Variants in MAGI1 observed in about 807,000 individuals in gnomAD.
The protein encoded by MAGI1 is membrane associated guanylate kinase, WW and PDZ domain containing 1, also known as membrane-associated guanylate kinase, WW and PDZ domain-containing protein 1.
A neutral mutation model predicts 139.9 loss-of-function variants in MAGI1; 58 were observed. That is an observed-to-expected ratio of 0.41 (90% CI 0.34 to 0.52). The LOEUF is 0.52. Ranked by LOEUF, MAGI1 falls within the 20% of genes least tolerant of loss-of-function variation. The probability of loss-of-function intolerance (pLI) is 0.12; values close to 1 mark genes in which losing one functional copy is unlikely to be tolerated. For synonymous variants in MAGI1, 812 were observed against 737.9 expected, an observed-to-expected ratio of 1.10 and a Z score of -1.63; for missense variants, 1,874 against 1,901.6, an observed-to-expected ratio of 0.99 and a Z score of 0.27.
chr3:65,928,507 G>A (rs1314652421), intron 1 of MAGI1, among the ~76,000 whole-genome samples: 1 of 151,964 alleles, frequency 6.6e-6, no homozygotes, highest in East Asian at 1.9e-4. Context: ...TTGCTTTTCC[G>A]CTGGCCTCAA....
chr3:65,983,785 T>A (rs187837278), intron 1 of MAGI1, among the ~76,000 whole-genome samples: 10 of 152,304 alleles, frequency 6.6e-5, no homozygotes, highest in Admixed American at 5.2e-4. Flanking sequence ...TTTGCCAAAT[T>A]ACTTAACTTC....
At chr3:65,952,672 A>G (rs966876730) in intron 1 of MAGI1, among the ~76,000 whole-genome samples, 3 of 152,088 alleles carry the variant, frequency 2.0e-5, no homozygotes, top group African/African-American at 7.2e-5. Flanking sequence ...AAATTAGCCA[A>G]GCGTGGTGGC....
intron 1 of MAGI1, among the ~76,000 whole-genome samples, chr3:65,658,556 G>A (rs983720674): frequency 3.9e-5 from 6 of 152,162 alleles, no homozygotes; most frequent in African/African-American, 1.2e-4. Context: ...CAATTATCTA[G>A]GGATTTGGTT....
intron 1 of MAGI1, among the ~76,000 whole-genome samples, chr3:65,879,703 C>G (rs1283058952): frequency 1.3e-5 from 2 of 152,160 alleles, no homozygotes; most frequent in Non-Finnish European, 2.9e-5. Context: ...GGTACAATAC[C>G]TGGTACATAG....
intron 1 of MAGI1, among the ~76,000 whole-genome samples, chr3:65,626,686 G>A (rs938148423): frequency 2.3e-4 from 35 of 152,104 alleles, no homozygotes; most frequent in African/African-American, 8.4e-4. Flanking sequence ...AACTAGCCAA[G>A]GTAGCTAGGG....
intron 1 of MAGI1, among the ~76,000 whole-genome samples, chr3:65,851,292 C>G (rs960823261): frequency 6.6e-6 from 1 of 152,142 alleles, no homozygotes; most frequent in African/African-American, 2.4e-5. Flanking sequence ...TAAAAGTGCT[C>G]TGCATATTAA....
chr3:65,887,867 C>A (rs944289164), intron 1 of MAGI1, among the ~76,000 whole-genome samples: 1 of 152,110 alleles, frequency 6.6e-6, no homozygotes, highest in Non-Finnish European at 1.5e-5. Context: ...AAGAGAACAG[C>A]ATAGATACAG....
chr3:65,652,880 GA>G (rs2085663683), intron 1 of MAGI1, among the ~76,000 whole-genome samples: 1 of 152,124 alleles, frequency 6.6e-6, no homozygotes, highest in Non-Finnish European at 1.5e-5. Flanking sequence ...GGGCATACCT[GA>G]GAAAGCCATG....
At chr3:65,801,105 A>C (rs918107557) in intron 1 of MAGI1, among the ~76,000 whole-genome samples, 7 of 152,224 alleles carry the variant, frequency 4.6e-5, no homozygotes, top group African/African-American at 1.7e-4. Context: ...ATGAGAGATA[A>C]AGAATAATTT....
chr3:65,407,915 A>G (rs1017567408), intron 12 of MAGI1, among the ~76,000 whole-genome samples: 10 of 152,190 alleles, frequency 6.6e-5, no homozygotes, highest in Non-Finnish European at 2.9e-5. Context: ...AGTTTGTTCT[A>G]TCTCTCCTTT....
intron 1 of MAGI1, among the ~76,000 whole-genome samples, chr3:65,719,219 T>G (rs2032683120): frequency 6.6e-6 from 1 of 151,934 alleles, no homozygotes; most frequent in Non-Finnish European, 1.5e-5. Flanking sequence ...GCTATAGATT[T>G]ATTTGAATTG....
intron 1 of MAGI1, among the ~76,000 whole-genome samples, chr3:65,737,105 C>T (rs994021792): frequency 7.2e-5 from 11 of 151,990 alleles, no homozygotes; most frequent in African/African-American, 2.7e-4. Context: ...CCTGGGTTCA[C>T]ACCATTCTCC....
intron 1 of MAGI1, chr3:65,873,761 T>G (rs2108497947): frequency 6.6e-6 from 1 of 152,214 alleles, no homozygotes; most frequent in South Asian, 2.1e-4. Flanking sequence ...CTGGGAAAAC[T>G]TCACATCCAC....
intron 1 of MAGI1, among the ~76,000 whole-genome samples, chr3:65,943,340 C>T (rs2063400125): frequency 6.6e-6 from 1 of 152,098 alleles, no homozygotes; most frequent in Non-Finnish European, 1.5e-5. Context: ...CTTTGGGAGG[C>T]CAAGGTGGGC....
At chr3:65,392,277 T>C (rs1943988085) in intron 13 of MAGI1, among the ~76,000 whole-genome samples, 2 of 152,186 alleles carry the variant, frequency 1.3e-5, no homozygotes, top group South Asian at 2.1e-4. Flanking sequence ...AGGAAAATAG[T>C]GGGTAGAACA....
chr3:65,651,485 C>T (rs1297492147), intron 1 of MAGI1, among the ~76,000 whole-genome samples: 8 of 152,146 alleles, frequency 5.3e-5, no homozygotes, highest in Non-Finnish European at 1.2e-4. Context: ...CCTTGATGGT[C>T]ATGGTGGTTA....
intron 1 of MAGI1, among the ~76,000 whole-genome samples, chr3:65,988,081 A>G (rs2065974610): frequency 3.3e-5 from 5 of 152,214 alleles, no homozygotes; most frequent in Admixed American, 2.6e-4. Flanking sequence ...AAAATGAACA[A>G]AACAAAAAAC....
chr3:65,423,803 A>T (rs189623488), intron 12 of MAGI1, among the ~76,000 whole-genome samples: 13 of 152,324 alleles, frequency 8.5e-5, no homozygotes, highest in Admixed American at 2.6e-4. Context: ...ATGAATTATG[A>T]TATGTAAAAT....
chr3:65,421,786 T>TGGAGA (rs1015379961), intron 12 of MAGI1, among the ~76,000 whole-genome samples: 6 of 152,174 alleles, frequency 3.9e-5, no homozygotes, highest in African/African-American at 1.4e-4. Context: ...ATTGAGAAAG[T>TGGAGA]GGAGATTGCC....
Sources: gnomAD v4.1 joint callset for allele counts (sites outside exome capture counted in the v4.1 genomes callset) on GRCh38, gnomAD v4.1.1 for gene constraint, MANE v1.5 for transcripts, NCBI Gene and HGNC (gene_info 2026-07-23, HGNC 2026-07-21) for gene names.